LRBA: variants seen among roughly 807,000 people sequenced by gnomAD.
LRBA encodes lipopolysaccharide-responsive and beige-like anchor protein.
A neutral mutation model predicts 330.0 loss-of-function variants in LRBA; 176 were observed. The observed-to-expected ratio is 0.53, with a 90% CI of 0.47 to 0.60. The LOEUF is 0.60. Among genes scored for constraint, LRBA ranks in the 20% least tolerant of loss-of-function variants. The pLI, the probability that LRBA is intolerant of heterozygous loss-of-function variation, is 0.00. For synonymous variants in LRBA, 1,230 were observed against 1,193.0 expected, an observed-to-expected ratio of 1.03 and a Z score of -0.64; for missense variants, 3,259 against 3,444.8, an observed-to-expected ratio of 0.95 and a Z score of 1.35.
chr4:150,692,721 G>A (rs1337007239), intron 36 of LRBA, among the ~76,000 whole-genome samples: 1 of 152,082 alleles, frequency 6.6e-6, no homozygotes, highest in African/African-American at 2.4e-5. Context: ...TAACAAGCAG[G>A]AGAATAGACT....
At chr4:150,692,758 A>C (rs1355657094) in intron 36 of LRBA, among the ~76,000 whole-genome samples, 3 of 152,222 alleles carry the variant, frequency 2.0e-5, no homozygotes, top group African/African-American at 7.2e-5. Flanking sequence ...TCAAAATAAA[A>C]GTACATCAGA....
At chr4:151,007,671 C>T (rs144543400) in intron 2 of LRBA, among the ~76,000 whole-genome samples, 3,060 of 151,702 alleles carry the variant, frequency 0.02, 86 homozygotes, top group African/African-American at 0.07. Context: ...TCCTGGCTAA[C>T]ACGGTGAAAC....
Position 150,897,809 on chromosome 4 carries a change from C to T in LRBA, c.1934G>A (p.Arg645Gln), listed in dbSNP as rs375622126. The change falls in exon 15 of 57, where the codon CGA becomes CAA. Residue 645 changes from arginine (R) to glutamine (Q), a missense_variant. Arg to Gln is a conservative substitution (Grantham distance 43, BLOSUM62 1). Transcript: ENST00000651943. ...GITPKGLDGPRPNQKEMLSLR... is the reference protein window; with the variant it reads ...GITPKGLDGPQPNQKEMLSLR... ...AGAAAGCATTTCTTTTTGATTAGGT[C>T]GCGGTCCATCTTTTAAAAAAATATA... 8 of 1,610,216 alleles carry T rather than the reference C, an allele frequency of 5.0e-6. No homozygotes were observed. Among genetic ancestry groups the T allele is most frequent in the South Asian group, 2.2e-5 (2 of 90,804 alleles).
chr4:150,442,265 A>C (rs547254786), intron 44 of LRBA, among the ~76,000 whole-genome samples: 1 of 152,330 alleles, frequency 6.6e-6, no homozygotes, highest in African/African-American at 2.4e-5. Context: ...GGAGATGAGA[A>C]GCAGAAAAGA....
At chr4:150,810,002 T>C (rs1007685150) in intron 31 of LRBA, among the ~76,000 whole-genome samples, 2 of 152,208 alleles carry the variant, frequency 1.3e-5, no homozygotes, top group Non-Finnish European at 2.9e-5. Flanking sequence ...GGAATTCTGA[T>C]TCAATGTGCT....
At chr4:150,382,364 C>T (rs1458328955) in intron 47 of LRBA, among the ~76,000 whole-genome samples, 1 of 152,120 alleles carries the variant, frequency 6.6e-6, no homozygotes, top group Non-Finnish European at 1.5e-5. Context: ...TGGCTCATGC[C>T]TGTAATCTTA....
At chr4:150,515,715 G>GA (rs1300518890) in intron 40 of LRBA, among the ~76,000 whole-genome samples, 1 of 151,946 alleles carries the variant, frequency 6.6e-6, no homozygotes, top group Non-Finnish European at 1.5e-5. Context: ...ATGATTAACG[G>GA]AAATATATAT....
intron 37 of LRBA, among the ~76,000 whole-genome samples, chr4:150,613,245 CA>C (rs1245856561): frequency 6.6e-6 from 1 of 152,044 alleles, no homozygotes. Context: ...TCAAGGTCCT[CA>C]AAATCCAATA....
At chr4:150,700,604 T>C (rs1785026847) in intron 36 of LRBA, among the ~76,000 whole-genome samples, 1 of 152,220 alleles carries the variant, frequency 6.6e-6, no homozygotes, top group Non-Finnish European at 1.5e-5. Flanking sequence ...TTTTCTTCAA[T>C]AATAAATTAT....
chr4:150,581,495 A>G, intron 40 of LRBA: 4 of 285,674 alleles, frequency 1.4e-5, no homozygotes, highest in South Asian at 1.4e-4. Context: ...AAGCCAAAGT[A>G]ATTTTGTTAC....
At chr4:150,609,537 ATCTAGTG>A (rs1775015045) in intron 37 of LRBA, among the ~76,000 whole-genome samples, 1 of 152,210 alleles carries the variant, frequency 6.6e-6, no homozygotes, top group Non-Finnish European at 1.5e-5. Context: ...CTTCTTCATA[ATCTAGTG>A]AAGTCAGGAA....
chr4:150,883,389 G>A (rs1728614705), intron 17 of LRBA, among the ~76,000 whole-genome samples: 1 of 152,128 alleles, frequency 6.6e-6, no homozygotes, highest in Non-Finnish European at 1.5e-5. Context: ...GAACCTGGGA[G>A]GTGGAGGTTG....
At chr4:150,866,806 G>A (rs17440394) in intron 22 of LRBA, among the ~76,000 whole-genome samples, 28,106 of 151,906 alleles carry the variant, frequency 0.19, 6,386 homozygotes, top group African/African-American at 0.55. Flanking sequence ...ATCTCAAACA[G>A]TAATAAGCAC....
chr4:150,387,024 G>C (rs1743180432), intron 47 of LRBA, among the ~76,000 whole-genome samples: 1 of 152,072 alleles, frequency 6.6e-6, no homozygotes, highest in African/African-American at 2.4e-5. Context: ...CAGTGATGTT[G>C]AGCTTTTTTT....
At chr4:151,014,356 C>T in intron 2 of LRBA, 71 bp downstream of exon 2, 1 of 1,292,596 alleles carries the variant, frequency 7.7e-7, no homozygotes, top group Non-Finnish European at 1.1e-6. Context: ...AACCACATGG[C>T]TCCAGCTTTA....
At chr4:150,314,537 T>C (rs1397770782) in intron 51 of LRBA, among the ~76,000 whole-genome samples, 1 of 152,158 alleles carries the variant, frequency 6.6e-6, no homozygotes, top group African/African-American at 2.4e-5. Context: ...AGGGAACATC[T>C]TGGATTTTAA....
chr4:150,335,370 A>T (rs1734521880), intron 48 of LRBA, among the ~76,000 whole-genome samples: 1 of 151,134 alleles, frequency 6.6e-6, no homozygotes, highest in Non-Finnish European at 1.5e-5. Context: ...GTATGACCTT[A>T]TTTCAGCAAA....
At chr4:150,329,176 C>T (rs1025140279) in intron 48 of LRBA, among the ~76,000 whole-genome samples, 1 of 152,150 alleles carries the variant, frequency 6.6e-6, no homozygotes, top group African/African-American at 2.4e-5. Context: ...CTTTCCAAGT[C>T]TTGAAGGCAT....
intron 30 of LRBA, among the ~76,000 whole-genome samples, chr4:150,823,596 G>A (rs926385225): frequency 1.3e-5 from 2 of 152,020 alleles, no homozygotes; most frequent in African/African-American, 4.8e-5. Context: ...ATAGTTTCAG[G>A]TCATAGATTT....
Sources: gnomAD v4.1 joint callset for allele counts (sites outside exome capture counted in the v4.1 genomes callset) on GRCh38, gnomAD v4.1.1 for gene constraint, MANE v1.5 for transcripts, NCBI Gene and HGNC (gene_info 2026-07-23, HGNC 2026-07-21) for gene names.